Variants in RARS2 observed in about 807,000 individuals in gnomAD.
RARS2 encodes the protein probable arginine--tRNA ligase, mitochondrial.
Under a neutral mutation model 88.5 loss-of-function variants are expected in RARS2, and 67 were observed. The observed-to-expected ratio is 0.76, with a 90% confidence interval of 0.62 to 0.93. RARS2 has a LOEUF of 0.93. RARS2 is among the 40% of genes least tolerant of loss of function. The probability of loss-of-function intolerance (pLI) is 0.00; values close to 1 mark genes in which losing one functional copy is unlikely to be tolerated. For missense variants in RARS2, 664 were observed against 684.2 expected (o/e 0.97, Z 0.33); for synonymous variants, 239 against 230.3 (o/e 1.04, Z -0.34).
At chr6:87,574,708 C>T (rs551559569) in intron 1 of RARS2, among the ~76,000 whole-genome samples, 21 of 152,182 alleles carry the variant, frequency 1.4e-4, no homozygotes, top group African/African-American at 4.6e-4. Flanking sequence ...TTCACAAATG[C>T]TTCAGGATTT....
At chr6:87,544,981 T>C (rs1014000308) in intron 7 of RARS2, among the ~76,000 whole-genome samples, 1 of 152,210 alleles carries the variant, frequency 6.6e-6, no homozygotes, top group Non-Finnish European at 1.5e-5. Context: ...AGGGCTGTGG[T>C]TGAGAAAGGT....
intron 4 of RARS2, among the ~76,000 whole-genome samples, chr6:87,561,536 TATA>T (rs1254291949): frequency 2.0e-5 from 3 of 152,226 alleles, no homozygotes; most frequent in Admixed American, 6.5e-5. Flanking sequence ...ACTCTCTACT[TATA>T]TTAATTTTGC....
Position 87,524,587 on chromosome 6 carries a change from C to T in RARS2, c.944G>A (p.Arg315Gln), listed in dbSNP as rs762613731. Residue 315 changes from arginine (R) to glutamine (Q), a missense_variant, in exon 11 of 20, where the codon CGA becomes CAA. By Grantham distance (43) the Arg-to-Gln change is conservative. Transcript: ENST00000369536. ...GDPSSICTVMRSDGTSLYATR... is the reference protein window; with the variant it reads ...GDPSSICTVMQSDGTSLYATR... ...TGCATAGAGAGAAGTCCCATCACTTCGCATTACAGTACAAATTGAGGAGGG... is the reference window on the plus strand; with the variant it reads ...TGCATAGAGAGAAGTCCCATCACTTTGCATTACAGTACAAATTGAGGAGGG... 1.4e-5 allele frequency: 22 copies of T among 1,613,136 alleles called. No individual in the cohort carries two copies. The highest frequency in any genetic ancestry group is 2.7e-5 in the African/African-American group (2 of 74,874).
chr6:87,524,540 TCA>T lies in RARS2; in HGVS notation c.974+15_974+16del. 6.4e-7 allele frequency: 1 copy of T among 1,572,432 alleles called. No individual in the cohort carries two copies. Among genetic ancestry groups the T allele is most frequent in the African/African-American group, 1.4e-5 (1 of 74,034 alleles). On this transcript the variant is annotated intron_variant, in intron 11 of 19. Coordinates refer to ENST00000369536, the MANE Select transcript of RARS2 (RefSeq NM_020320.5). ...CAGATTTAGAACCAAATGTTGACCC[TCA>T]CAGAGGCTACAAACCTGGTTGCATA...
At chr6:87,580,096 A>T (rs1025926142) in intron 1 of RARS2, among the ~76,000 whole-genome samples, 1 of 152,104 alleles carries the variant, frequency 6.6e-6, no homozygotes, top group African/African-American at 2.4e-5. Context: ...TTCTGGGAGT[A>T]ATACGACTTT....
Position 87,518,259 on chromosome 6 carries a change from T to C in RARS2, c.1421A>G (p.Glu474Gly). Reference sequence around the variant, plus strand: ...CAGGTACCCACATCCAAAAGTCTCTTCCAAACTTATCAAAAGTTTAAAGTT... The same window carrying C: ...CAGGTACCCACATCCAAAAGTCTCTCCCAAACTTATCAAAAGTTTAAAGTT... ...QYTHARLHSLEETFGCGYLND... is the reference protein window; with the variant it reads ...QYTHARLHSLGETFGCGYLND... Residue 474 changes from glutamate (E) to glycine (G), a missense_variant, in exon 17 of 20, where the codon GAA becomes GGA. Coordinates refer to ENST00000369536, the MANE Select transcript of RARS2 (RefSeq NM_020320.5). 2 of 1,614,156 alleles carry C rather than the reference T, an allele frequency of 1.2e-6. No homozygotes were observed. The highest frequency in any genetic ancestry group is 2.7e-5 in the African/African-American group (2 of 75,046).
intron 4 of RARS2, among the ~76,000 whole-genome samples, chr6:87,558,181 G>GAA (rs200923177): frequency 3.4e-5 from 4 of 118,498 alleles, no homozygotes; most frequent in African/African-American, 9.2e-5. Flanking sequence ...CCGTCTCAAA[G>GAA]AAAAAAAAAA....
intron 6 of RARS2, among the ~76,000 whole-genome samples, chr6:87,547,998 G>A (rs939586536): frequency 3.3e-5 from 5 of 152,098 alleles, no homozygotes; most frequent in African/African-American, 7.2e-5. Context: ...TCACATGACC[G>A]AGGTGAATTT....
At chr6:87,523,305 A>G (rs1003471035) in intron 11 of RARS2, among the ~76,000 whole-genome samples, 3 of 152,164 alleles carry the variant, frequency 2.0e-5, no homozygotes, top group Admixed American at 6.5e-5. Flanking sequence ...CATGGCCCAG[A>G]GAGTTAAACG....
rs1773811703 is a variant in RARS2, at chr6:87,521,463, C to T, written c.1035+1G>A. Reference sequence around the variant, plus strand: ...CATAACTTTTTGTTCTGATTACTTACCACATATATCATTGTATCAAAATTA... The same window carrying T: ...CATAACTTTTTGTTCTGATTACTTATCACATATATCATTGTATCAAAATTA... On this transcript the variant is annotated splice_donor_variant, in intron 12 of 19. Transcript: ENST00000369536. LOFTEE classifies it high-confidence loss of function. 1.3e-6 allele frequency: 2 copies of T among 1,595,164 alleles called. No homozygotes were observed. Among genetic ancestry groups the T allele is most frequent in the Admixed American group, 3.3e-5 (2 of 59,942 alleles).
At chr6:87,548,220 G>C (rs1309915645) in intron 6 of RARS2, among the ~76,000 whole-genome samples, 1 of 152,092 alleles carries the variant, frequency 6.6e-6, no homozygotes, top group Non-Finnish European at 1.5e-5. Context: ...TCCAGCCTAA[G>C]TGACAAAAAA....
intron 14 of RARS2, 128 bp downstream of exon 14, chr6:87,519,455 G>A (rs1215986630): frequency 1.7e-5 from 17 of 1,029,406 alleles, no homozygotes; most frequent in Admixed American, 1.0e-4. Flanking sequence ...ATTAGTGAAA[G>A]GTATTTTTGA....
rs568287739 is a variant in RARS2, at chr6:87,530,669, A to T, written c.771+115T>A. On this transcript the variant is annotated intron_variant, in intron 9 of 19. Transcript: ENST00000369536. ...AAAAAAATTTGAGTCTTAATTTTAA[A>T]TTCACCTACAAATCTATTTTTAAAA... 185 of 1,381,848 alleles carry T rather than the reference A, an allele frequency of 1.3e-4. 1 individual carries two copies. In the African/African-American group the frequency reaches 2.4e-3, roughly 18 times the overall value. The allele number at this position is 1,381,848 out of a possible 1,614,324, so 85.6% of individuals were successfully genotyped here.
intron 10 of RARS2, among the ~76,000 whole-genome samples, chr6:87,525,694 G>A (rs181760886): frequency 2.0e-3 from 304 of 152,054 alleles, no homozygotes; most frequent in African/African-American, 7.0e-3. Context: ...AATTAGGCGC[G>A]CGCCACCACG....
rs751194485 is a variant in RARS2, at chr6:87,524,596, G to A, written c.935C>T (p.Thr312Ile). Residue 312 changes from threonine (T) to isoleucine (I), a missense_variant, in exon 11 of 20, where the codon ACT becomes ATT. Transcript: ENST00000369536. Reference protein sequence around the residue: ...SGNGDPSSICTVMRSDGTSLY... With the variant: ...SGNGDPSSICIVMRSDGTSLY... ...AGAAGTCCCATCACTTCGCATTACA[G>A]TACAAATTGAGGAGGGGTCGCCATT... is the stretch of plus-strand genomic sequence containing the variant. 7 of 1,613,530 alleles carry A rather than the reference G, an allele frequency of 4.3e-6. No individual in the cohort carries two copies. Among genetic ancestry groups the A allele is most frequent in the Non-Finnish European group, 5.9e-6 (7 of 1,179,662 alleles).
chr6:87,527,212 G>A (rs1487423788), intron 10 of RARS2, among the ~76,000 whole-genome samples: 1 of 152,034 alleles, frequency 6.6e-6, no homozygotes, highest in African/African-American at 2.4e-5. Flanking sequence ...GGGAGGCTGA[G>A]GCAGGAGATT....
chr6:87,547,975 T>C (rs1021490568), intron 6 of RARS2, among the ~76,000 whole-genome samples: 2 of 152,192 alleles, frequency 1.3e-5, no homozygotes, highest in South Asian at 4.1e-4. Context: ...GTCTTGAACA[T>C]TCCACTAAGT....
Position 87,589,882 on chromosome 6 carries a change from AGCTCCTCAGGGACTCCTCTGCGC to A in RARS2, c.36+17_36+39del, listed in dbSNP as rs1219054236. 1.9e-6 allele frequency: 3 copies of A among 1,614,016 alleles called. No individual in the cohort carries two copies. In the African/African-American group the frequency reaches 4.0e-5, roughly 22 times the overall value. ...GCGGTGAAAGGCCTTTGGGGTCCCT[AGCTCCTCAGGGACTCCTCTGCGC>A]GCTCCGGGATCCATACCTGGCAAGC... On this transcript the variant is annotated intron_variant, in intron 1 of 19. Coordinates refer to ENST00000369536, the MANE Select transcript of RARS2 (RefSeq NM_020320.5).
chr6:87,584,860 C>A, intron 1 of RARS2: 1 of 302,274 alleles, frequency 3.3e-6, no homozygotes, highest in Admixed American at 4.7e-5. Flanking sequence ...GGTAACCATG[C>A]TTCAGAAGGG....
Sources: gnomAD v4.1 joint callset for allele counts (sites outside exome capture counted in the v4.1 genomes callset) on GRCh38, gnomAD v4.1.1 for gene constraint, MANE v1.5 for transcripts, NCBI Gene and HGNC (gene_info 2026-07-23, HGNC 2026-07-21) for gene names.